TUSC3: variants seen among roughly 807,000 people sequenced by gnomAD.
TUSC3 encodes the protein dolichyl-diphosphooligosaccharide--protein glycosyltransferase subunit TUSC3.
Under a neutral mutation model 44.8 loss-of-function variants are expected in TUSC3, and 45 were observed. That is an observed-to-expected ratio of 1.00 (90% CI 0.79 to 1.29). The LOEUF is 1.29. Among genes scored for constraint, TUSC3 ranks in the 50% most tolerant of loss-of-function variants. TUSC3 has a pLI of 0.00. For synonymous variants in TUSC3, 212 were observed against 152.9 expected (o/e 1.39, Z -2.85); for missense variants, 519 against 437.9 (o/e 1.19, Z -1.65).
At chr8:15,600,515 C>T (rs933985933) in intron 1 of TUSC3, among the ~76,000 whole-genome samples, 6 of 151,372 alleles carry the variant, frequency 4.0e-5, no homozygotes, top group Admixed American at 2.0e-4. Context: ...TTATTGTGAC[C>T]GTTAAATTTG....
chr8:15,540,611 G>C (rs1801650699), intron 1 of TUSC3, 43 bp downstream of exon 1: 1 of 1,496,104 alleles, frequency 6.7e-7, no homozygotes, highest in East Asian at 2.7e-5. Context: ...GCGGGGGCGG[G>C]CCAGGGTGGG....
At position 15,602,854 on chromosome 8, in the gene TUSC3, G is replaced by A. The variant is rs73665452; in HGVS notation, c.139-20226G>A. Among the ~76,000 whole-genome samples, 3 of 151,348 alleles carry A rather than the reference G, an allele frequency of 2.0e-5. No individual in the cohort carries two copies. The Admixed American group carries it at 2.0e-4, about 10-fold the overall frequency. ...TACAAAGAAAAAAGGAACTGAAAGT[G>A]ATCCATGGAAAAGTAAAAGTAGATT... On this transcript the variant is annotated intron_variant, in intron 1 of 10. Transcript: ENST00000503731.
At chr8:15,732,446 A>T (rs1810761059) in intron 7 of TUSC3, among the ~76,000 whole-genome samples, 1 of 152,142 alleles carries the variant, frequency 6.6e-6, no homozygotes, top group Admixed American at 6.5e-5. Flanking sequence ...CCACAGCCAT[A>T]TGGAACTGTG....
At chr8:15,596,883 A>G (rs1211152998) in intron 1 of TUSC3, among the ~76,000 whole-genome samples, 2 of 152,166 alleles carry the variant, frequency 1.3e-5, no homozygotes, top group Non-Finnish European at 2.9e-5. Flanking sequence ...ATAATAGACG[A>G]TCTTTCTTAA....
At chr8:15,513,644 A>G (rs919424025) in intron 2 of TUSC3, among the ~76,000 whole-genome samples, 3 of 152,080 alleles carry the variant, frequency 2.0e-5, no homozygotes, top group African/African-American at 7.2e-5. Flanking sequence ...TTTAGGAAAA[A>G]AACTCATCTT....
chr8:15,507,991 C>A (rs576440568), intron 2 of TUSC3, among the ~76,000 whole-genome samples: 5 of 152,082 alleles, frequency 3.3e-5, no homozygotes, highest in Non-Finnish European at 5.9e-5. Flanking sequence ...CCTGTAATCC[C>A]AGCACTTTGG....
At chr8:15,443,921 A>C (rs1800057273) in intron 1 of TUSC3, among the ~76,000 whole-genome samples, 1 of 151,826 alleles carries the variant, frequency 6.6e-6, no homozygotes, top group East Asian at 1.9e-4. Context: ...GGACAACTTC[A>C]ATTCTGCCTA....
At position 15,759,937 on chromosome 8, in the gene TUSC3, C is replaced by T. The variant is rs1040893677; in HGVS notation, c.*46+2082C>T. Among the ~76,000 whole-genome samples, 11 of 152,164 alleles carry T rather than the reference C, an allele frequency of 7.2e-5. No individual in the cohort carries two copies. The South Asian group carries it at 2.3e-3, about 32-fold the overall frequency. On this transcript the variant is annotated intron_variant, in intron 10 of 10. Coordinates refer to ENST00000503731, the MANE Select transcript of TUSC3 (RefSeq NM_006765.4). The stretch of plus-strand genomic sequence containing the variant: ...CTTGAAGTCATTTTGTCCTCATCCT[C>T]ATCCTTCTTTATGTTATTTGGCCTA...
chr8:15,645,808 TC>T (rs1806599532), intron 2 of TUSC3, among the ~76,000 whole-genome samples: 2 of 152,088 alleles, frequency 1.3e-5, no homozygotes, highest in African/African-American at 4.8e-5. Context: ...TTTCATTTTT[TC>T]TTCCCCTCAA....
chr8:15,748,184 T>C (rs1811504373), intron 8 of TUSC3, among the ~76,000 whole-genome samples, 191 bp from the exon 9 acceptor site: 1 of 150,938 alleles, frequency 6.6e-6, no homozygotes, highest in Non-Finnish European at 1.5e-5. Flanking sequence ...ATAGTACATT[T>C]TCATTGAGAA....
chr8:15,772,809 G>A, the TUSC3 span, among the ~76,000 whole-genome samples: 1 of 152,124 alleles, frequency 6.6e-6, no homozygotes, highest in African/African-American at 2.4e-5. Flanking sequence ...GCATGACCAA[G>A]TGGGAATTAT....
chr8:15,441,966 A>G (rs1366159133), intron 1 of TUSC3, among the ~76,000 whole-genome samples: 1 of 152,146 alleles, frequency 6.6e-6, no homozygotes, highest in Non-Finnish European at 1.5e-5. Context: ...TCATTCCCCC[A>G]AAATAGCTAT....
intron 2 of TUSC3, among the ~76,000 whole-genome samples, chr8:15,649,380 C>G (rs1312795475): frequency 6.6e-6 from 1 of 151,478 alleles, no homozygotes; most frequent in African/African-American, 2.4e-5. Context: ...GTCAGGAGAT[C>G]GAGACCATCC....
Position 15,561,408 on chromosome 8 carries a change from G to C in TUSC3, c.138+20840G>C, listed in dbSNP as rs1356238060. ...TGGGAGAACCACTGCTCTCTTAAAAGCTGTCAGACAGGGACATTTAAGTCT... is the reference window on the plus strand; with the variant it reads ...TGGGAGAACCACTGCTCTCTTAAAACCTGTCAGACAGGGACATTTAAGTCT... On this transcript the variant is annotated intron_variant, in intron 1 of 10. Coordinates refer to ENST00000503731, the MANE Select transcript of TUSC3 (RefSeq NM_006765.4). Among the ~76,000 whole-genome samples, 7 of 139,650 alleles carry C rather than the reference G, an allele frequency of 5.0e-5. No homozygotes were observed. In the South Asian group the frequency reaches 1.5e-3, roughly 29 times the overall value. 91.6% of individuals were successfully genotyped at this position (139,650 alleles called of 152,430 possible). A position where few individuals can be genotyped will look rare whatever the true frequency, so the allele number is the denominator to read the frequency against.
intron 2 of TUSC3, among the ~76,000 whole-genome samples, chr8:15,496,202 C>G (rs909231403): frequency 7.2e-5 from 11 of 152,186 alleles, no homozygotes; most frequent in African/African-American, 2.7e-4. Flanking sequence ...ACAAAATCAT[C>G]TGCTACATTT....
At position 15,632,255 on chromosome 8, in the gene TUSC3, T is replaced by C. The variant is rs548063792; in HGVS notation, c.308+9006T>C. Among the ~76,000 whole-genome samples the C allele has an allele frequency of 7.2e-5, 11 of 152,274 alleles. 1 individual carries two copies. In the South Asian group the frequency reaches 2.3e-3, roughly 32 times the overall value. On this transcript the variant is annotated intron_variant, in intron 2 of 10. Coordinates refer to ENST00000503731, the MANE Select transcript of TUSC3 (RefSeq NM_006765.4). ...AACAAGAAAGTATTTGTTTTAATGA[T>C]GGTGACTTTTTTTTTCCCTGAGGAA...
chr8:15,699,261 GTAATTAAT>G (rs5889595), intron 6 of TUSC3, among the ~76,000 whole-genome samples: 1 of 151,936 alleles, frequency 6.6e-6, no homozygotes, highest in East Asian at 1.9e-4. Flanking sequence ...TTTATTACTG[GTAATTAAT>G]TAATTCATTA....
intron 1 of TUSC3, among the ~76,000 whole-genome samples, chr8:15,424,107 C>T (rs1034505758): frequency 6.6e-6 from 1 of 150,510 alleles, no homozygotes; most frequent in Non-Finnish European, 1.5e-5. Context: ...TCTCCTGCCT[C>T]AGCCTTCCAA....
At chr8:15,646,327 C>G (rs1250778091) in intron 2 of TUSC3, among the ~76,000 whole-genome samples, 1 of 152,000 alleles carries the variant, frequency 6.6e-6, no homozygotes. Flanking sequence ...TAAGTTGTGG[C>G]CAAGTTATGG....
Sources: gnomAD v4.1 joint callset for allele counts (sites outside exome capture counted in the v4.1 genomes callset) on GRCh38, gnomAD v4.1.1 for gene constraint, MANE v1.5 for transcripts, NCBI Gene and HGNC (gene_info 2026-07-23, HGNC 2026-07-21) for gene names.